The following IMMP2L variants were observed in gnomAD, a reference collection of about 807,000 sequenced individuals.
IMMP2L encodes the protein inner mitochondrial membrane peptidase subunit 2, also known as mitochondrial inner membrane protease subunit 2.
In IMMP2L, 18 loss-of-function variants were observed where a neutral mutation model predicts 19.3. The ratio of observed to expected loss-of-function variants is 0.93; its 90% CI spans 0.64 to 1.38. The LOEUF is 1.38. Ranked by LOEUF, IMMP2L falls within the 40% of genes most tolerant of loss-of-function variation. The pLI, the probability that IMMP2L is intolerant of heterozygous loss-of-function variation, is 0.00. For missense variants in IMMP2L, 233 were observed against 218.2 expected (o/e 1.07, Z -0.43); for synonymous variants, 76 against 73.0 (o/e 1.04, Z -0.21).
At position 111,070,131 on chromosome 7, in the gene IMMP2L, G is replaced by A. The variant is rs184329983; in HGVS notation, c.240-106566C>T. ...ATGTAGGACTAGATGTAAATTGATAGTGAAAAAAAAATATGTAAAGCGTAA... is the reference window on the plus strand; with the variant it reads ...ATGTAGGACTAGATGTAAATTGATAATGAAAAAAAAATATGTAAAGCGTAA... On this transcript the variant is annotated intron_variant, in intron 3 of 5. Transcript: ENST00000405709. Among the ~76,000 whole-genome samples the A allele has an allele frequency of 4.5e-4, 69 of 151,728 alleles. 2 individuals are homozygous for A. The highest frequency in any genetic ancestry group is 4.5e-3 in the Admixed American group (68 of 15,254).
chr7:111,205,441 A>G (rs1810593736), intron 3 of IMMP2L, among the ~76,000 whole-genome samples: 1 of 152,160 alleles, frequency 6.6e-6, no homozygotes, highest in Non-Finnish European at 1.5e-5. Context: ...GAACTTCTCT[A>G]TGGAGATTGT....
At chr7:111,489,926 G>C (rs1046226149) in intron 2 of IMMP2L, among the ~76,000 whole-genome samples, 4 of 151,986 alleles carry the variant, frequency 2.6e-5, no homozygotes, top group South Asian at 2.1e-4. Context: ...CTCCTGAGTA[G>C]AGCTGCGACT....
Position 111,483,108 on chromosome 7 carries a change from T to C in IMMP2L, c.239+4130A>G, listed in dbSNP as rs532655434. Among the ~76,000 whole-genome samples, 21 of 152,324 alleles carry C rather than the reference T, an allele frequency of 1.4e-4. 1 individual carries two copies. The South Asian group carries it at 4.1e-3, about 30-fold the overall frequency. ...TAATATTCTACTGATGTCAATTTCC[T>C]GGTTTCAATACTTGAACTATGGTTC... On this transcript the variant is annotated intron_variant, in intron 3 of 5. Transcript: ENST00000405709.
At chr7:111,230,877 G>T (rs937414956) in intron 3 of IMMP2L, among the ~76,000 whole-genome samples, 1 of 152,006 alleles carries the variant, frequency 6.6e-6, no homozygotes, top group African/African-American at 2.4e-5. Flanking sequence ...GGGTTACTGA[G>T]GAAGGTGGAT....
At chr7:111,378,426 A>C (rs996413389) in intron 3 of IMMP2L, among the ~76,000 whole-genome samples, 5 of 151,968 alleles carry the variant, frequency 3.3e-5, no homozygotes, top group African/African-American at 1.2e-4. Context: ...TTAAGACAAA[A>C]ATGTTCATGA....
intron 3 of IMMP2L, among the ~76,000 whole-genome samples, chr7:111,336,197 C>T (rs1826387035): frequency 6.8e-6 from 1 of 146,194 alleles, no homozygotes; most frequent in Non-Finnish European, 1.5e-5. Flanking sequence ...CAGGTGTGTG[C>T]CGCCAGGCCG....
At chr7:111,551,668 G>A (rs919830117) in intron 1 of IMMP2L, among the ~76,000 whole-genome samples, 1 of 151,944 alleles carries the variant, frequency 6.6e-6, no homozygotes, top group Non-Finnish European at 1.5e-5. Context: ...CTCAAAGATG[G>A]TTCTGGCAGG....
At chr7:111,520,143 A>C (rs1181202146) in intron 2 of IMMP2L, among the ~76,000 whole-genome samples, 1 of 152,160 alleles carries the variant, frequency 6.6e-6, no homozygotes, top group Non-Finnish European at 1.5e-5. Context: ...AGTGTATTTA[A>C]AGCCATATGC....
intron 3 of IMMP2L, among the ~76,000 whole-genome samples, chr7:111,383,752 C>T (rs1055508060): frequency 2.6e-5 from 4 of 152,070 alleles, no homozygotes; most frequent in Non-Finnish European, 5.9e-5. Flanking sequence ...AAAATGTGCA[C>T]TAAGTTTTTC....
At chr7:111,545,477 G>A (rs1457507844) in intron 1 of IMMP2L, among the ~76,000 whole-genome samples, 1 of 152,054 alleles carries the variant, frequency 6.6e-6, no homozygotes, top group African/African-American at 2.4e-5. Context: ...CGCAACCTCT[G>A]CCTCCCAGGT....
intron 5 of IMMP2L, among the ~76,000 whole-genome samples, chr7:110,885,040 C>T (rs1269038751): frequency 1.3e-5 from 2 of 151,648 alleles, no homozygotes; most frequent in African/African-American, 2.4e-5. Context: ...TAGAGACCAC[C>T]GACATTAAAT....
At chr7:110,826,977 T>C (rs890511355) in intron 5 of IMMP2L, among the ~76,000 whole-genome samples, 1 of 152,104 alleles carries the variant, frequency 6.6e-6, no homozygotes, top group Admixed American at 6.6e-5. Context: ...ACAATGACTA[T>C]TAGTTCAACT....
chr7:110,798,286 T>C (rs941771062), intron 5 of IMMP2L, among the ~76,000 whole-genome samples: 1 of 151,746 alleles, frequency 6.6e-6, no homozygotes, highest in African/African-American at 2.4e-5. Context: ...TCAAAAATAA[T>C]CAACTAAGAG....
chr7:111,322,308 T>C (rs1824808807), intron 3 of IMMP2L, among the ~76,000 whole-genome samples: 2 of 152,104 alleles, frequency 1.3e-5, no homozygotes, highest in South Asian at 2.1e-4. Context: ...TAAATATTTA[T>C]TGAGGTCGAA....
At position 111,186,942 on chromosome 7, in the gene IMMP2L, T is replaced by A. The variant is rs112577717; in HGVS notation, c.240-223377A>T. On this transcript the variant is annotated intron_variant, in intron 3 of 5. Coordinates refer to ENST00000405709, the MANE Select transcript of IMMP2L (RefSeq NM_032549.4). ...ACTTCCCCCTCGTCCTTGCTTTTTT[T>A]AAAAAAAAAAAGTTTTAATACCTTT... Among the ~76,000 whole-genome samples, 1,450 of 147,516 alleles carry A rather than the reference T, an allele frequency of 9.8e-3. 27 individuals carry two copies. The highest frequency in any genetic ancestry group is 0.033 in the African/African-American group (1,315 of 40,338).
At position 111,373,412 on chromosome 7, in the gene IMMP2L, G is replaced by GA. The variant is rs892098018; in HGVS notation, c.239+113825dup. ...CACACAGTAAATACATTGAAATTGA[G>GA]AAAAAACACTGAATAAAAGAGAGAA... On this transcript the variant is annotated intron_variant, in intron 3 of 5. Coordinates refer to ENST00000405709, the MANE Select transcript of IMMP2L (RefSeq NM_032549.4). Among the ~76,000 whole-genome samples, 83 of 152,006 alleles carry GA rather than the reference G, an allele frequency of 5.5e-4. 1 individual carries two copies. Among genetic ancestry groups the GA allele is most frequent in the African/African-American group, 1.6e-3 (67 of 41,514 alleles).
rs1051387533 is a variant in IMMP2L at position 110,758,621 on chromosome 7, A to C, written c.409-94900T>G. Among the ~76,000 whole-genome samples the C allele has an allele frequency of 6.6e-6, 1 of 152,096 alleles. No homozygotes were observed. Among genetic ancestry groups the C allele is most frequent in the Non-Finnish European group, 1.5e-5 (1 of 67,996 alleles). ...TAATAATCAATCAATATTGACTTTC[A>C]GTCTTCCTACAGTACAATCTTCCAA... On this transcript the variant is annotated intron_variant, in intron 5 of 5. Transcript: ENST00000405709. This position sits in a 1 kb window ranked among gnomAD's most constrained non-coding sequence, Gnocchi z 4.6.
Position 110,735,794 on chromosome 7 carries a change from C to A in IMMP2L, c.409-72073G>T, listed in dbSNP as rs186891223. On this transcript the variant is annotated intron_variant, in intron 5 of 5. Transcript: ENST00000405709. ...CCTGGCAGATGAAGGTTGCAATGAG[C>A]CAAGATTGTACCACTGCACTCCAGC... Among the ~76,000 whole-genome samples, 61 of 127,152 alleles carry A rather than the reference C, an allele frequency of 4.8e-4. 1 individual carries two copies. The Admixed American group carries it at 5.3e-3, about 11-fold the overall frequency. 83.4% of individuals were successfully genotyped at this position (127,152 alleles called of 152,430 possible). A position where few individuals can be genotyped will look rare whatever the true frequency, so the allele number is the denominator to read the frequency against.
intron 3 of IMMP2L, among the ~76,000 whole-genome samples, chr7:111,206,215 C>T (rs1323759853): frequency 6.6e-6 from 1 of 152,088 alleles, no homozygotes; most frequent in Non-Finnish European, 1.5e-5. Flanking sequence ...ATTACGTCTC[C>T]CTTAGAACAC....
Sources: gnomAD v4.1 joint callset for allele counts (sites outside exome capture counted in the v4.1 genomes callset) on GRCh38, gnomAD v4.1.1 for gene constraint, Gnocchi (gnomAD v3.1) non-coding constraint, MANE v1.5 for transcripts, NCBI Gene and HGNC (gene_info 2026-07-23, HGNC 2026-07-21) for gene names.